Variants in TCF20 observed in about 807,000 individuals in gnomAD.
TCF20 encodes the protein SPRE-binding protein.
Under a neutral mutation model 148.6 loss-of-function variants are expected in TCF20, and 3 were observed. The ratio of observed to expected loss-of-function variants is 0.02; its 90% CI spans 0.01 to 0.05. The LOEUF (loss-of-function observed/expected upper bound fraction) is 0.05, where lower values mean the gene tolerates loss of function less well. TCF20 is among the 10% of genes least tolerant of loss of function. TCF20 has a pLI of 1.00. For synonymous variants in TCF20, 1,049 were observed against 909.5 expected, an observed-to-expected ratio of 1.15 and a Z score of -2.76; for missense variants, 2,350 against 2,429.3, an observed-to-expected ratio of 0.97 and a Z score of 0.69.
intron 1 of TCF20, among the ~76,000 whole-genome samples, chr22:42,259,178 A>G (rs1382431874): frequency 6.6e-6 from 1 of 152,162 alleles, no homozygotes; most frequent in Non-Finnish European, 1.5e-5. Flanking sequence ...CTGCTATTTA[A>G]GAGCCACCAT....
chr22:42,179,603 T>C lies in TCF20; in HGVS notation c.5749+6A>G. The C allele has an allele frequency of 6.2e-7, 1 of 1,611,376 alleles. No individual in the cohort carries two copies. The highest frequency in any genetic ancestry group is 8.5e-7 in the Non-Finnish European group (1 of 1,177,620). On this transcript the variant is annotated splice_donor_region_variant and intron_variant, in intron 3 of 5. Transcript: ENST00000677622. Reference sequence around the variant, plus strand: ...CTCTGGACAAGGGTCTGTGGTCTCCTCTTACCTGCATCAATGGCACACGGG... The same window carrying C: ...CTCTGGACAAGGGTCTGTGGTCTCCCCTTACCTGCATCAATGGCACACGGG...
In TCF20 at chr22:42,197,484, G is replaced by A. The variant is rs561289865; in HGVS notation, c.5655+12167C>T. Among the ~76,000 whole-genome samples the A allele has an allele frequency of 2.0e-4, 31 of 152,062 alleles. No homozygotes were observed. In the South Asian group the frequency reaches 2.1e-3, roughly 10 times the overall value. On this transcript the variant is annotated intron_variant, in intron 2 of 5. Transcript: ENST00000677622. Reference sequence around the variant, plus strand: ...ACTACAGGTGCCCGCCACCACGCCCGGCTAATTTTTTGTATTTTTAGTAGA... The same window carrying A: ...ACTACAGGTGCCCGCCACCACGCCCAGCTAATTTTTTGTATTTTTAGTAGA...
chr22:42,303,600 T>C (rs9623555), intron 1 of TCF20, among the ~76,000 whole-genome samples: 100,547 of 152,186 alleles, frequency 0.66, 33,872 homozygotes, highest in African/African-American at 0.79. Context: ...CTGTCTGGCC[T>C]CACCTTTAAC....
At chr22:42,228,208 C>T (rs751303801) in intron 1 of TCF20, among the ~76,000 whole-genome samples, 14 of 152,142 alleles carry the variant, frequency 9.2e-5, no homozygotes, top group Non-Finnish European at 1.8e-4. Context: ...GGTTAAGGGA[C>T]GTTGGCTGCA....
Position 42,290,508 on chromosome 22 carries a change from C to T in TCF20, c.-37+52971G>A, listed in dbSNP as rs1277460490. 6.6e-6 allele frequency among the ~76,000 whole-genome samples: 1 copy of T among 152,090 alleles called. No homozygotes were observed. Among genetic ancestry groups the T allele is most frequent in the Non-Finnish European group, 1.5e-5 (1 of 68,014 alleles). ...GGGCAGGCTGGGGGCACGTGGGAGGCCTCTGCTCCTGACCTTTGCTTAGCA... is the reference window on the plus strand; with the variant it reads ...GGGCAGGCTGGGGGCACGTGGGAGGTCTCTGCTCCTGACCTTTGCTTAGCA... On this transcript the variant is annotated intron_variant, in intron 1 of 1. Transcript: ENST00000515426. This position sits in a 1 kb window ranked among gnomAD's most constrained non-coding sequence, Gnocchi z 4.2.
At chr22:42,324,663 T>C (rs1440904744) in intron 1 of TCF20, among the ~76,000 whole-genome samples, 1 of 82,334 alleles carries the variant, frequency 1.2e-5, no homozygotes, top group Non-Finnish European at 2.7e-5. Context: ...ATAATCTCCA[T>C]CATTTAAGAA....
Position 42,213,377 on chromosome 22 carries a change from CCCA to C in TCF20, c.1926_1928del (p.Gly643del). 3.1e-6 allele frequency: 5 copies of C among 1,614,150 alleles called. No individual in the cohort carries two copies. Among genetic ancestry groups the C allele is most frequent in the Non-Finnish European group, 4.2e-6 (5 of 1,180,034 alleles). ...GTGATGCATGACTGGTTTCCTTTGC[CCCA>C]CCATTGCTAGGTGGCCTTTGAGTGG... On this transcript the variant is annotated inframe_deletion, in exon 2 of 6. Coordinates refer to ENST00000677622, the MANE Select transcript of TCF20 (RefSeq NM_001378418.1).
At chr22:42,321,808 A>T (rs1407687337) in intron 1 of TCF20, among the ~76,000 whole-genome samples, 3 of 151,674 alleles carry the variant, frequency 2.0e-5, no homozygotes, top group Non-Finnish European at 4.4e-5. Flanking sequence ...TTAGCTGGTC[A>T]TGGTGGCAAA....
chr22:42,336,343 G>A (rs1301439437), intron 1 of TCF20, among the ~76,000 whole-genome samples: 2 of 151,440 alleles, frequency 1.3e-5, no homozygotes, highest in South Asian at 2.1e-4. Context: ...CTCGGCTCCC[G>A]CCCCCTCTCC....
intron 1 of TCF20, among the ~76,000 whole-genome samples, chr22:42,301,695 C>A (rs933282660): frequency 6.6e-6 from 1 of 152,198 alleles, no homozygotes; most frequent in African/African-American, 2.4e-5. Context: ...AGGTGGGAAG[C>A]AATGTTTGCA....
chr22:42,182,614 C>CA (rs1198364198), intron 2 of TCF20, among the ~76,000 whole-genome samples: 6 of 152,224 alleles, frequency 3.9e-5, no homozygotes, highest in Admixed American at 3.9e-4. Context: ...GAAAGACTCT[C>CA]AGGCTGTATT....
intron 1 of TCF20, among the ~76,000 whole-genome samples, chr22:42,340,795 C>G (rs1008384526): frequency 2.6e-5 from 4 of 152,006 alleles, no homozygotes; most frequent in Non-Finnish European, 5.9e-5. Flanking sequence ...CTCTTCCACA[C>G]GCCAAAGCTG....
At position 42,292,544 on chromosome 22, in the gene TCF20, T is replaced by G. The variant is rs1927151400; in HGVS notation, c.-37+50935A>C. On this transcript the variant is annotated intron_variant, in intron 1 of 1. Coordinates refer to the TCF20 transcript ENST00000515426. The surrounding 1 kb of genome is among the most constrained non-coding windows in gnomAD (Gnocchi z 4.9). ...GCCCTCAATGAGGTAACATCCTGCGTGTCAACTGTAACCAAGGTAGGTTGT... is the reference window on the plus strand; with the variant it reads ...GCCCTCAATGAGGTAACATCCTGCGGGTCAACTGTAACCAAGGTAGGTTGT... Among the ~76,000 whole-genome samples, 2 of 152,130 alleles carry G rather than the reference T, an allele frequency of 1.3e-5. No individual in the cohort carries two copies. Among genetic ancestry groups the G allele is most frequent in the African/African-American group, 4.8e-5 (2 of 41,424 alleles).
intron 1 of TCF20, among the ~76,000 whole-genome samples, chr22:42,300,415 C>A (rs1291167863): frequency 2.6e-5 from 4 of 152,102 alleles, no homozygotes; most frequent in Non-Finnish European, 4.4e-5. Flanking sequence ...AAAAGCGCCA[C>A]ATGGGCCAAA....
chr22:42,257,532 G>C (rs1368382421), intron 1 of TCF20, among the ~76,000 whole-genome samples: 1 of 152,314 alleles, frequency 6.6e-6, no homozygotes, highest in East Asian at 1.9e-4. Context: ...AAGTATTAGA[G>C]AGCAGAGGCT....
rs1023367638 is a variant in TCF20 at position 42,255,758 on chromosome 22, C to T, written c.-37+14581G>A. 5.3e-5 allele frequency among the ~76,000 whole-genome samples: 8 copies of T among 152,102 alleles called. No homozygotes were observed. The East Asian group carries it at 1.5e-3, about 29-fold the overall frequency. On this transcript the variant is annotated intron_variant, in intron 1 of 5. Coordinates refer to ENST00000677622, the MANE Select transcript of TCF20 (RefSeq NM_001378418.1). The stretch of plus-strand genomic sequence containing the variant: ...CATCATCTGTTTCCGGCCCTCCCCT[C>T]TCCTTCCCACCACCATCTCTCCTCA...
chr22:42,233,624 C>A (rs1434345397), intron 1 of TCF20, among the ~76,000 whole-genome samples: 1 of 152,210 alleles, frequency 6.6e-6, no homozygotes, highest in South Asian at 2.1e-4. Flanking sequence ...CAGCGTGGGA[C>A]CTTAGTTCTC....
intron 1 of TCF20, among the ~76,000 whole-genome samples, chr22:42,328,809 G>C (rs776930025): frequency 1.3e-5 from 2 of 152,322 alleles, no homozygotes; most frequent in South Asian, 4.1e-4. Context: ...CCCCAGACGG[G>C]GGGGAAAGCC....
intron 1 of TCF20, among the ~76,000 whole-genome samples, chr22:42,307,038 TAAAAAAAAAA>T (rs5845532): frequency 1.1e-5 from 1 of 92,762 alleles, no homozygotes; most frequent in Non-Finnish European, 2.1e-5. Flanking sequence ...GACTCTGTCT[TAAAAAAAAAA>T]AAAAAAAAAA....
Sources: allele counts gnomAD v4.1 joint callset (sites outside exome capture counted in the v4.1 genomes callset), GRCh38; gene constraint gnomAD v4.1.1; non-coding constraint Gnocchi (gnomAD v3.1); transcripts MANE v1.5; gene names NCBI Gene and HGNC (gene_info 2026-07-23, HGNC 2026-07-21).